Variants in HMGCLL1 observed in about 807,000 individuals in gnomAD.
The protein encoded by HMGCLL1 is 3-hydroxy-3-methylglutaryl-CoA lyase like 1.
HMGCLL1 carries 36 observed loss-of-function variants against 39.1 expected under a neutral mutation model. The observed-to-expected ratio is 0.92, with a 90% CI of 0.71 to 1.22. The LOEUF (loss-of-function observed/expected upper bound fraction) is 1.22, where lower values mean the gene tolerates loss of function less well. Among genes scored for constraint, HMGCLL1 ranks in the 50% most tolerant of loss-of-function variants. The probability of loss-of-function intolerance (pLI) is 0.00; values close to 1 mark genes in which losing one functional copy is unlikely to be tolerated. For missense variants in HMGCLL1, 451 were observed against 416.5 expected (o/e 1.08, Z -0.72); for synonymous variants, 149 against 144.0 (o/e 1.03, Z -0.25).
chr6:55,512,387 T>C (rs1323153276), intron 5 of HMGCLL1: 1 of 152,124 alleles, frequency 6.6e-6, no homozygotes, highest in East Asian at 1.9e-4. Context: ...TATATTCGAA[T>C]TGAGAAACCA....
At chr6:55,630,296 TG>T in the HMGCLL1 span, among the ~76,000 whole-genome samples, 1 of 152,096 alleles carries the variant, frequency 6.6e-6, no homozygotes, top group Non-Finnish European at 1.5e-5. Context: ...TGGACAAGAA[TG>T]GGGTGGGTGG....
chr6:55,437,513 G>A (rs1763419267), intron 8 of HMGCLL1, among the ~76,000 whole-genome samples: 1 of 151,980 alleles, frequency 6.6e-6, no homozygotes, highest in African/African-American at 2.4e-5. Context: ...AGAGGATGGA[G>A]GATATATGGG....
At chr6:55,611,183 G>A in the HMGCLL1 span, among the ~76,000 whole-genome samples, 5 of 152,074 alleles carry the variant, frequency 3.3e-5, no homozygotes, top group African/African-American at 9.7e-5. Context: ...TGAAATTAAG[G>A]CACAAATCAA....
At chr6:55,575,385 T>C (rs1771712646) in intron 1 of HMGCLL1, among the ~76,000 whole-genome samples, 2 of 152,132 alleles carry the variant, frequency 1.3e-5, no homozygotes, top group African/African-American at 2.4e-5. Context: ...TGTATATGTG[T>C]ATATATTCAT....
At chr6:55,545,496 C>T (rs1430529528) in intron 1 of HMGCLL1, among the ~76,000 whole-genome samples, 1 of 152,010 alleles carries the variant, frequency 6.6e-6, no homozygotes, top group Admixed American at 6.6e-5. Flanking sequence ...AAGCCAGTGA[C>T]AGAAGTGACA....
the HMGCLL1 span, among the ~76,000 whole-genome samples, chr6:55,618,069 AATC>A: frequency 6.6e-6 from 1 of 152,072 alleles, no homozygotes; most frequent in Non-Finnish European, 1.5e-5. Flanking sequence ...AGTCAAGTGA[AATC>A]ATGATTTTTA....
chr6:55,472,039 A>G (rs1435966347), intron 7 of HMGCLL1, among the ~76,000 whole-genome samples: 1 of 151,734 alleles, frequency 6.6e-6, no homozygotes, highest in Non-Finnish European at 1.5e-5. Context: ...GAATCTATGT[A>G]CAAATTTTAT....
At chr6:55,650,303 C>A in the HMGCLL1 span, among the ~76,000 whole-genome samples, 6 of 151,182 alleles carry the variant, frequency 4.0e-5, no homozygotes, top group Middle Eastern at 3.4e-3. Context: ...ATAGTCTGGG[C>A]TTGTTTGTGC....
At chr6:55,580,728 G>A (rs185586365), upstream of HMGCLL1, among the ~76,000 whole-genome samples, 331 of 152,100 alleles carry the variant, frequency 2.2e-3, no homozygotes, top group South Asian at 0.012. Context: ...TGTTTAACCT[G>A]GAGAACATTC....
chr6:55,478,727 C>T (rs549722292), intron 7 of HMGCLL1, among the ~76,000 whole-genome samples: 3 of 151,298 alleles, frequency 2.0e-5, no homozygotes, highest in Non-Finnish European at 4.4e-5. Flanking sequence ...TGAAGGTCAT[C>T]GCTTGTCTTA....
chr6:55,662,837 T>C, the HMGCLL1 span, among the ~76,000 whole-genome samples: 14 of 151,816 alleles, frequency 9.2e-5, no homozygotes, highest in East Asian at 3.9e-4. Context: ...TTGTTTTTGG[T>C]AGGCTATTTA....
intron 7 of HMGCLL1, among the ~76,000 whole-genome samples, chr6:55,461,989 G>A (rs544367265): frequency 2.6e-5 from 4 of 152,038 alleles, no homozygotes; most frequent in Non-Finnish European, 5.9e-5. Context: ...ATTCATTGTG[G>A]TCCATATAAA....
At chr6:55,645,762 A>G in the HMGCLL1 span, among the ~76,000 whole-genome samples, 1 of 152,000 alleles carries the variant, frequency 6.6e-6, no homozygotes, top group South Asian at 2.1e-4. Context: ...TGGTAATGAA[A>G]AAGATCTTTT....
At chr6:55,557,846 C>T (rs184321023) in intron 1 of HMGCLL1, among the ~76,000 whole-genome samples, 1 of 151,178 alleles carries the variant, frequency 6.6e-6, no homozygotes, top group East Asian at 1.9e-4. Flanking sequence ...GGTGCCCGTA[C>T]TGTACTTAAA....
the HMGCLL1 span, among the ~76,000 whole-genome samples, chr6:55,613,418 A>G: frequency 6.6e-6 from 1 of 152,184 alleles, no homozygotes; most frequent in African/African-American, 2.4e-5. Flanking sequence ...GAGAAATACC[A>G]TATGACCCAG....
intron 3 of HMGCLL1, among the ~76,000 whole-genome samples, chr6:55,535,005 T>C (rs1768930957): frequency 6.6e-6 from 1 of 152,180 alleles, no homozygotes; most frequent in African/African-American, 2.4e-5. Context: ...AAAAATGAGG[T>C]GGCAAATAGT....
At chr6:55,505,685 C>T (rs4579358) in intron 5 of HMGCLL1, among the ~76,000 whole-genome samples, 102,352 of 151,476 alleles carry the variant, frequency 0.68, 34,598 homozygotes, top group Non-Finnish European at 0.7. Context: ...GATCTCTCTA[C>T]AAATATATGC....
chr6:55,544,669 G>C (rs555818445), intron 1 of HMGCLL1, among the ~76,000 whole-genome samples: 1 of 152,024 alleles, frequency 6.6e-6, no homozygotes, highest in Non-Finnish European at 1.5e-5. Context: ...CCATTTTTAG[G>C]GTCCAGAGCT....
the HMGCLL1 span, among the ~76,000 whole-genome samples, chr6:55,646,145 T>C: frequency 1.6e-4 from 25 of 151,904 alleles, no homozygotes; most frequent in Non-Finnish European, 7.4e-5. Flanking sequence ...TCTAGGAACT[T>C]ACTAATTTCT....
Sources: gnomAD v4.1 joint callset for allele counts (sites outside exome capture counted in the v4.1 genomes callset) on GRCh38, gnomAD v4.1.1 for gene constraint, MANE v1.5 for transcripts, NCBI Gene and HGNC (gene_info 2026-07-23, HGNC 2026-07-21) for gene names.